SEMA5A: variants seen among roughly 807,000 people sequenced by gnomAD.
The protein encoded by SEMA5A is semaphorin-5A.
In SEMA5A, 55 loss-of-function variants were observed where a neutral mutation model predicts 135.5. The ratio of observed to expected loss-of-function variants is 0.41; its 90% confidence interval spans 0.33 to 0.51. SEMA5A has a LOEUF of 0.51. SEMA5A is among the 20% of genes least tolerant of loss of function. The pLI, the probability that SEMA5A is intolerant of heterozygous loss-of-function variation, is 0.37. For missense variants in SEMA5A, 1,290 were observed against 1,419.9 expected, an observed-to-expected ratio of 0.91 and a Z score of 1.47; for synonymous variants, 580 against 546.5, an observed-to-expected ratio of 1.06 and a Z score of -0.85.
chr5:9,409,324 G>A (rs1443157474), intron 2 of SEMA5A, among the ~76,000 whole-genome samples: 10 of 152,146 alleles, frequency 6.6e-5, no homozygotes. Flanking sequence ...GTGCAATTTG[G>A]GATTCAGGCT....
At chr5:9,127,948 C>T (rs542163974) in intron 13 of SEMA5A, among the ~76,000 whole-genome samples, 8 of 152,244 alleles carry the variant, frequency 5.3e-5, no homozygotes, top group African/African-American at 7.2e-5. Context: ...CGAATGAAGA[C>T]GGAAACAGAA....
chr5:9,080,996 C>A (rs185509754), intron 16 of SEMA5A, among the ~76,000 whole-genome samples: 9 of 152,194 alleles, frequency 5.9e-5, no homozygotes, highest in Non-Finnish European at 1.2e-4. Context: ...TAATCCACAA[C>A]CTCCTCGTAC....
At chr5:9,284,325 T>C (rs1390556431) in intron 5 of SEMA5A, among the ~76,000 whole-genome samples, 1 of 152,176 alleles carries the variant, frequency 6.6e-6, no homozygotes, top group African/African-American at 2.4e-5. Context: ...AAACAGTAGC[T>C]AATACAGAAT....
intron 1 of SEMA5A, among the ~76,000 whole-genome samples, chr5:9,527,761 A>G (rs540819249): frequency 1.3e-5 from 2 of 152,192 alleles, no homozygotes; most frequent in Non-Finnish European, 2.9e-5. Context: ...AGAATTGGAC[A>G]AAGTGGGGCA....
intron 2 of SEMA5A, among the ~76,000 whole-genome samples, chr5:9,428,876 A>G (rs1007088430): frequency 1.2e-4 from 19 of 152,256 alleles, no homozygotes; most frequent in African/African-American, 4.3e-4. Context: ...GAATCACTTC[A>G]TTAAATAACA....
chr5:9,185,311 T>C (rs1030388473), intron 11 of SEMA5A, among the ~76,000 whole-genome samples: 1 of 152,214 alleles, frequency 6.6e-6, no homozygotes, highest in South Asian at 2.1e-4. Context: ...ACAGAGGTGA[T>C]AAACATGGCA....
chr5:9,076,645 C>G (rs1468030312), intron 16 of SEMA5A, among the ~76,000 whole-genome samples: 1 of 152,160 alleles, frequency 6.6e-6, no homozygotes, highest in African/African-American at 2.4e-5. Context: ...GTATCCAAAA[C>G]AACTATGAGT....
At chr5:9,221,515 G>T (rs375720566) in intron 8 of SEMA5A, among the ~76,000 whole-genome samples, 2 of 151,816 alleles carry the variant, frequency 1.3e-5, no homozygotes, top group East Asian at 2.0e-4. Context: ...TGTTAGCCAG[G>T]ATGGTCTCGA....
At chr5:9,220,241 T>C (rs943335718) in intron 8 of SEMA5A, among the ~76,000 whole-genome samples, 1 of 152,148 alleles carries the variant, frequency 6.6e-6, no homozygotes, top group East Asian at 1.9e-4. Flanking sequence ...AAAGACTATA[T>C]ACAGGGTACG....
chr5:9,093,840 G>T (rs879477068), intron 16 of SEMA5A, among the ~76,000 whole-genome samples: 7 of 152,142 alleles, frequency 4.6e-5, no homozygotes, highest in African/African-American at 1.7e-4. Context: ...GCCCACAAGT[G>T]ACTGTGCTTC....
chr5:9,296,097 T>C (rs1029628659), intron 5 of SEMA5A, among the ~76,000 whole-genome samples: 16 of 152,244 alleles, frequency 1.1e-4, no homozygotes, highest in East Asian at 3.9e-4. Flanking sequence ...AAATCACAAA[T>C]ACAATCATGC....
intron 16 of SEMA5A, among the ~76,000 whole-genome samples, chr5:9,078,127 G>A (rs949366445): frequency 6.6e-5 from 10 of 152,154 alleles, no homozygotes; most frequent in African/African-American, 2.4e-4. Flanking sequence ...CTCACTCTCT[G>A]AGAGCAAAAG....
chr5:9,162,078 G>A (rs149662749), intron 11 of SEMA5A, among the ~76,000 whole-genome samples: 53 of 152,338 alleles, frequency 3.5e-4, no homozygotes, highest in African/African-American at 1.1e-3. Flanking sequence ...AAGCAATCAC[G>A]ACCATTAGAA....
intron 16 of SEMA5A, among the ~76,000 whole-genome samples, chr5:9,101,788 A>G (rs1405093206): frequency 6.6e-6 from 1 of 152,140 alleles, no homozygotes; most frequent in Non-Finnish European, 1.5e-5. Context: ...AGTAGCCTAT[A>G]TGAATAGCTT....
chr5:9,364,784 T>C lies in SEMA5A; in HGVS notation c.124+15039A>G, dbSNP rs549732936. Among the ~76,000 whole-genome samples, 3 of 152,316 alleles carry C rather than the reference T, an allele frequency of 2.0e-5. No individual in the cohort carries two copies. The South Asian group carries it at 6.2e-4, about 32-fold the overall frequency. ...AAAGCACCAACAGATCCTTCCATTC[T>C]CCCAAACTTGTTGTGACTCATATTT... On this transcript the variant is annotated intron_variant, in intron 3 of 22. Transcript: ENST00000382496.
chr5:9,394,827 A>G (rs958432897), intron 2 of SEMA5A, among the ~76,000 whole-genome samples: 1 of 152,196 alleles, frequency 6.6e-6, no homozygotes, highest in Non-Finnish European at 1.5e-5. Flanking sequence ...ACAGCTTATT[A>G]AGCCAATGTA....
At chr5:9,376,579 G>T (rs1755371960) in intron 3 of SEMA5A, among the ~76,000 whole-genome samples, 1 of 152,084 alleles carries the variant, frequency 6.6e-6, no homozygotes, top group South Asian at 2.1e-4. Context: ...GGCCCTTTTG[G>T]TTCACATTCC....
intron 5 of SEMA5A, among the ~76,000 whole-genome samples, chr5:9,313,265 T>A (rs1271453951): frequency 2.6e-5 from 4 of 152,144 alleles, no homozygotes; most frequent in Admixed American, 2.6e-4. Context: ...GGTTAGTATG[T>A]AAGGAATGAA....
At chr5:9,266,431 T>C (rs935012211) in intron 5 of SEMA5A, among the ~76,000 whole-genome samples, 1 of 151,730 alleles carries the variant, frequency 6.6e-6, no homozygotes, top group African/African-American at 2.4e-5. Flanking sequence ...CCATGGCTCC[T>C]TAAATGACGA....
Sources: allele counts gnomAD v4.1 joint callset (sites outside exome capture counted in the v4.1 genomes callset), GRCh38; gene constraint gnomAD v4.1.1; transcripts MANE v1.5; gene names NCBI Gene and HGNC (gene_info 2026-07-23, HGNC 2026-07-21).